The following CFAP299 variants were observed in gnomAD, a reference collection of about 807,000 sequenced individuals.
The protein encoded by CFAP299 is cilia- and flagella-associated protein 299.
CFAP299 carries 21 observed loss-of-function variants against 27.0 expected under a neutral mutation model. The observed-to-expected ratio is 0.78, with a 90% CI of 0.55 to 1.12. CFAP299 has a LOEUF of 1.12. Among genes scored for constraint, CFAP299 ranks in the 50% most tolerant of loss-of-function variants. The pLI, the probability that CFAP299 is intolerant of heterozygous loss-of-function variation, is 0.00. For missense variants in CFAP299, 310 were observed against 276.6 expected, an observed-to-expected ratio of 1.12 and a Z score of -0.86; for synonymous variants, 104 against 98.1, an observed-to-expected ratio of 1.06 and a Z score of -0.36.
At chr4:80,502,194 T>C (rs1366817012) in intron 2 of CFAP299, among the ~76,000 whole-genome samples, 1 of 152,070 alleles carries the variant, frequency 6.6e-6, no homozygotes, top group Non-Finnish European at 1.5e-5. Context: ...ATTTTGCAGG[T>C]ATCAGTTTAG....
chr4:80,864,651 A>G (rs187330256), intron 3 of CFAP299, among the ~76,000 whole-genome samples: 3 of 151,610 alleles, frequency 2.0e-5, no homozygotes, highest in Admixed American at 2.0e-4. Flanking sequence ...TGAACCATGT[A>G]TGGCAACCCT....
chr4:80,696,260 C>A (rs184553465), intron 3 of CFAP299, among the ~76,000 whole-genome samples: 13 of 148,118 alleles, frequency 8.8e-5, no homozygotes, highest in African/African-American at 3.2e-4. Context: ...AGTCACACCA[C>A]TGCACTCCAG....
At chr4:80,690,652 A>G (rs1720605296) in intron 3 of CFAP299, among the ~76,000 whole-genome samples, 1 of 152,220 alleles carries the variant, frequency 6.6e-6, no homozygotes, top group Non-Finnish European at 1.5e-5. Flanking sequence ...GCAAGAACAA[A>G]CACATTCAAA....
chr4:80,691,722 G>C, intron 3 of CFAP299, among the ~76,000 whole-genome samples: 2 of 151,854 alleles, frequency 1.3e-5, no homozygotes, highest in Non-Finnish European at 2.9e-5. Context: ...GGAAATAAAG[G>C]GTATTCAATT....
intron 2 of CFAP299, among the ~76,000 whole-genome samples, chr4:80,396,578 G>A (rs1725809276): frequency 6.6e-6 from 1 of 152,050 alleles, no homozygotes; most frequent in African/African-American, 2.4e-5. Context: ...TCTAATCAAG[G>A]TGATTATAAG....
At position 80,392,158 on chromosome 4, in the gene CFAP299, T is replaced by A. The variant is rs190008390; in HGVS notation, c.242+29274T>A. 5.0e-3 allele frequency among the ~76,000 whole-genome samples: 761 copies of A among 152,340 alleles called. 6 individuals are homozygous for A. Among genetic ancestry groups the A allele is most frequent in the African/African-American group, 0.017 (724 of 41,582 alleles). On this transcript the variant is annotated intron_variant, in intron 2 of 5. Coordinates refer to ENST00000358105, the MANE Select transcript of CFAP299 (RefSeq NM_152770.3). The stretch of plus-strand genomic sequence containing the variant: ...ATTTGGAATGGGTGTATTTACCAGA[T>A]GCCTTTACCTCCATTGTATCTAAGA...
At position 80,844,529 on chromosome 4, in the gene CFAP299, C is replaced by T. The variant is rs183202627; in HGVS notation, c.334-25464C>T. 4.6e-5 allele frequency among the ~76,000 whole-genome samples: 7 copies of T among 152,146 alleles called. No individual in the cohort carries two copies. In the East Asian group the frequency reaches 9.7e-4, roughly 21 times the overall value. ...GTGACGATGAGCATTTTTTCATGTGCCTTTTGGCTGCATAAATGTCTTCTT... is the reference window on the plus strand; with the variant it reads ...GTGACGATGAGCATTTTTTCATGTGTCTTTTGGCTGCATAAATGTCTTCTT... On this transcript the variant is annotated intron_variant, in intron 3 of 5. Transcript: ENST00000358105.
At chr4:80,375,005 A>G (rs1724332529) in intron 2 of CFAP299, among the ~76,000 whole-genome samples, 1 of 151,904 alleles carries the variant, frequency 6.6e-6, no homozygotes, top group South Asian at 2.1e-4. Flanking sequence ...CTTCCTTGTA[A>G]GCTAGAAAAG....
intron 3 of CFAP299, among the ~76,000 whole-genome samples, chr4:80,596,236 T>G (rs1045576839): frequency 3.3e-5 from 5 of 152,302 alleles, no homozygotes; most frequent in Admixed American, 2.6e-4. Flanking sequence ...ACGGGAATCC[T>G]CCTTTGAGCT....
chr4:80,549,421 A>G (rs1172025058), intron 2 of CFAP299, among the ~76,000 whole-genome samples: 2 of 152,188 alleles, frequency 1.3e-5, no homozygotes, highest in Admixed American at 6.6e-5. Flanking sequence ...TGGAATGTTT[A>G]CCACAACTTT....
chr4:80,766,220 A>G (rs1725853208), intron 3 of CFAP299, among the ~76,000 whole-genome samples: 1 of 152,170 alleles, frequency 6.6e-6, no homozygotes, highest in Non-Finnish European at 1.5e-5. Context: ...AAATGTCTGC[A>G]GCAGTATAAA....
At chr4:80,895,611 A>G (rs563679396) in intron 4 of CFAP299, among the ~76,000 whole-genome samples, 1 of 152,030 alleles carries the variant, frequency 6.6e-6, no homozygotes, top group Non-Finnish European at 1.5e-5. Context: ...GTTTTTCTAT[A>G]TTCAAATTCC....
chr4:80,520,553 C>CA (rs1414666185), intron 2 of CFAP299, among the ~76,000 whole-genome samples: 1 of 152,216 alleles, frequency 6.6e-6, no homozygotes, highest in African/African-American at 2.4e-5. Context: ...GGCAGTAGCT[C>CA]AGCTGCAATG....
intron 2 of CFAP299, among the ~76,000 whole-genome samples, chr4:80,565,723 G>A (rs1032266832): frequency 2.0e-4 from 30 of 151,900 alleles, no homozygotes; most frequent in African/African-American, 7.3e-4. Context: ...CATCCATAAT[G>A]AGATATACTC....
At chr4:80,510,225 G>T (rs1732229249) in intron 2 of CFAP299, among the ~76,000 whole-genome samples, 1 of 151,960 alleles carries the variant, frequency 6.6e-6, no homozygotes, top group South Asian at 2.1e-4. Context: ...ATACCAAATT[G>T]CACTACAAGT....
Position 80,868,059 on chromosome 4 carries a change from A to G in CFAP299, c.334-1934A>G, listed in dbSNP as rs370959806. Among the ~76,000 whole-genome samples the G allele has an allele frequency of 5.9e-5, 9 of 152,306 alleles. No homozygotes were observed. In the South Asian group the frequency reaches 1.9e-3, roughly 32 times the overall value. On this transcript the variant is annotated intron_variant, in intron 3 of 5. Coordinates refer to ENST00000358105, the MANE Select transcript of CFAP299 (RefSeq NM_152770.3). ...ATCAAATTCTAAAATTGATCAATAC[A>G]TCTGCCCTCATTCTGGAAAATTCCA...
intron 3 of CFAP299, among the ~76,000 whole-genome samples, chr4:80,625,326 A>G (rs1380453099): frequency 6.6e-6 from 1 of 152,034 alleles, no homozygotes; most frequent in Non-Finnish European, 1.5e-5. Flanking sequence ...TCAGCTTAAA[A>G]CATGTTATAT....
chr4:80,739,161 C>G (rs1346915548), intron 3 of CFAP299, among the ~76,000 whole-genome samples: 1 of 151,964 alleles, frequency 6.6e-6, no homozygotes, highest in Admixed American at 6.6e-5. Context: ...TTGGTTTATC[C>G]TTTAATCTTT....
intron 2 of CFAP299, among the ~76,000 whole-genome samples, chr4:80,369,796 G>A (rs1724041193): frequency 6.6e-6 from 1 of 152,180 alleles, no homozygotes; most frequent in Non-Finnish European, 1.5e-5. Flanking sequence ...GTTTTTAATA[G>A]TATTGCTGCC....
Sources: gnomAD v4.1 joint callset for allele counts (sites outside exome capture counted in the v4.1 genomes callset) on GRCh38, gnomAD v4.1.1 for gene constraint, MANE v1.5 for transcripts, NCBI Gene and HGNC (gene_info 2026-07-23, HGNC 2026-07-21) for gene names.